Variants in SENP7 observed in about 807,000 individuals in gnomAD.
SENP7 encodes sentrin-specific protease 7.
A neutral mutation model predicts 141.2 loss-of-function variants in SENP7; 64 were observed. The observed-to-expected ratio is 0.45, with a 90% confidence interval of 0.37 to 0.56. The LOEUF (loss-of-function observed/expected upper bound fraction) is 0.56. Ranked by LOEUF, SENP7 falls within the 20% of genes least tolerant of loss-of-function variation. The pLI, the probability that SENP7 is intolerant of heterozygous loss-of-function variation, is 0.00. For synonymous variants in SENP7, 382 were observed against 426.4 expected, an observed-to-expected ratio of 0.90 and a Z score of 1.28; for missense variants, 1,025 against 1,212.2, an observed-to-expected ratio of 0.85 and a Z score of 2.29.
rs917527274 is a variant in SENP7, at chr3:101,376,658, T to C, written c.678-4532A>G. On this transcript the variant is annotated intron_variant, in intron 6 of 23. Coordinates refer to ENST00000394095, the MANE Select transcript of SENP7 (RefSeq NM_020654.5). The stretch of plus-strand genomic sequence containing the variant: ...GTGGGGTGGGGGGAGCGGGGAGGGA[T>C]AGCATTAGGAGATACACCTAATGTT... 2.6e-5 allele frequency among the ~76,000 whole-genome samples: 4 copies of C among 151,854 alleles called. No individual in the cohort carries two copies. The South Asian group carries it at 6.3e-4, about 24-fold the overall frequency.
At chr3:101,384,548 G>A (rs536046164) in intron 6 of SENP7, among the ~76,000 whole-genome samples, 2 of 152,176 alleles carry the variant, frequency 1.3e-5, no homozygotes, top group Admixed American at 6.5e-5. Flanking sequence ...CTGCAGTCTT[G>A]TGGGAAGCCA....
At chr3:101,504,689 C>T (rs1024985867) in intron 1 of SENP7, among the ~76,000 whole-genome samples, 2 of 152,252 alleles carry the variant, frequency 1.3e-5, no homozygotes, top group Non-Finnish European at 2.9e-5. Context: ...AATGAACTCA[C>T]GTCTTTTACA....
chr3:101,496,664 C>G (rs1357676076), intron 2 of SENP7, among the ~76,000 whole-genome samples: 1 of 151,746 alleles, frequency 6.6e-6, no homozygotes, highest in Non-Finnish European at 1.5e-5. Flanking sequence ...CTGCAACCTC[C>G]GCCCCCGAGT....
chr3:101,373,412 C>T (rs2107446924), intron 6 of SENP7, among the ~76,000 whole-genome samples: 1 of 152,086 alleles, frequency 6.6e-6, no homozygotes, highest in South Asian at 2.1e-4. Context: ...ATTTGTCCTC[C>T]CTGAAAGAAT....
intron 3 of SENP7, among the ~76,000 whole-genome samples, chr3:101,468,154 G>A (rs192457769): frequency 6.6e-6 from 1 of 152,260 alleles, no homozygotes; most frequent in East Asian, 1.9e-4. Flanking sequence ...GACAAGGTTA[G>A]AGAAAAAAGA....
At chr3:101,376,647 G>A (rs912553154) in intron 6 of SENP7, among the ~76,000 whole-genome samples, 4 of 151,874 alleles carry the variant, frequency 2.6e-5, no homozygotes, top group Admixed American at 6.6e-5. Context: ...GGTGGGGGGA[G>A]CGGGGAGGGA....
chr3:101,353,022 T>C (rs373070872), intron 11 of SENP7, among the ~76,000 whole-genome samples: 3 of 151,976 alleles, frequency 2.0e-5, no homozygotes, highest in South Asian at 2.1e-4. Flanking sequence ...AGGTAACTTA[T>C]TGAACTTTTT....
intron 15 of SENP7, 95 bp from the exon 16 acceptor site, chr3:101,340,306 C>T: frequency 7.2e-7 from 1 of 1,397,864 alleles, no homozygotes; most frequent in Non-Finnish European, 9.5e-7. Flanking sequence ...CAGTGGTATT[C>T]TGTAACTCAA....
At chr3:101,470,599 C>G (rs747994848) in intron 3 of SENP7, among the ~76,000 whole-genome samples, 35 of 152,144 alleles carry the variant, frequency 2.3e-4, no homozygotes, top group Non-Finnish European at 4.4e-4. Flanking sequence ...ACAAGACAGG[C>G]ATGCCCTCTC....
chr3:101,421,664 G>A (rs146609987), intron 4 of SENP7, among the ~76,000 whole-genome samples: 110 of 152,142 alleles, frequency 7.2e-4, no homozygotes, highest in Admixed American at 1.3e-3. Flanking sequence ...TGGCTTCTCC[G>A]GGAAAATACT....
intron 11 of SENP7, among the ~76,000 whole-genome samples, 167 bp downstream of exon 11, chr3:101,361,548 G>GA (rs2059902493): frequency 6.6e-6 from 1 of 151,676 alleles, no homozygotes; most frequent in African/African-American, 2.4e-5. Flanking sequence ...AGGGGAGAAT[G>GA]AAAGACACAT....
chr3:101,334,142 AGGCCACAGACT>A (rs2059126682), intron 17 of SENP7, among the ~76,000 whole-genome samples: 1 of 152,148 alleles, frequency 6.6e-6, no homozygotes, highest in Non-Finnish European at 1.5e-5. Context: ...GGCTCCTAAC[AGGCCACAGACT>A]GGTACCAGTC....
intron 4 of SENP7, among the ~76,000 whole-genome samples, chr3:101,433,033 A>G (rs1364392878): frequency 6.6e-6 from 1 of 152,228 alleles, no homozygotes; most frequent in African/African-American, 2.4e-5. Flanking sequence ...AAACCAACCA[A>G]AAATAATAAC....
intron 12 of SENP7, 150 bp from the exon 13 acceptor site, chr3:101,348,201 C>G (rs2059522437): frequency 4.2e-6 from 2 of 477,436 alleles, no homozygotes; most frequent in Non-Finnish European, 7.1e-6. Flanking sequence ...GTGCACTTTG[C>G]TAACCTTAGC....
chr3:101,386,707 G>T (rs945524837), intron 6 of SENP7, among the ~76,000 whole-genome samples: 1 of 152,174 alleles, frequency 6.6e-6, no homozygotes, highest in Non-Finnish European at 1.5e-5. Context: ...CTCCAGGAAG[G>T]TTGCCCCCAG....
intron 3 of SENP7, among the ~76,000 whole-genome samples, chr3:101,489,701 CAT>C (rs1425773861): frequency 6.6e-6 from 1 of 152,180 alleles, no homozygotes; most frequent in Non-Finnish European, 1.5e-5. Context: ...GCAACCACAT[CAT>C]AATAGTGAAA....
At chr3:101,333,912 A>G (rs1291713645) in intron 17 of SENP7, among the ~76,000 whole-genome samples, 1 of 152,164 alleles carries the variant, frequency 6.6e-6, no homozygotes, top group Non-Finnish European at 1.5e-5. Flanking sequence ...TTCCAGGGAC[A>G]AGGTTAGGGG....
At chr3:101,512,958 T>G (rs951919429) in intron 1 of SENP7, 133 bp downstream of exon 1, 2 of 974,272 alleles carry the variant, frequency 2.1e-6, no homozygotes, top group Non-Finnish European at 3.3e-6. Flanking sequence ...CCTTCCATTG[T>G]GCGCGCCCCT....
chr3:101,412,030 G>A (rs2061470555), intron 5 of SENP7, among the ~76,000 whole-genome samples: 1 of 152,042 alleles, frequency 6.6e-6, no homozygotes, highest in Non-Finnish European at 1.5e-5. Context: ...TGTTTAAATA[G>A]CAAGGAAACT....
Sources: allele counts gnomAD v4.1 joint callset (sites outside exome capture counted in the v4.1 genomes callset), GRCh38; gene constraint gnomAD v4.1.1; transcripts MANE v1.5; gene names NCBI Gene and HGNC (gene_info 2026-07-23, HGNC 2026-07-21).